The following LRP1B variants were observed in gnomAD, a reference collection of about 807,000 sequenced individuals.
LRP1B encodes the protein low-density lipoprotein receptor-related protein 1B.
LRP1B carries 217 observed loss-of-function variants against 556.6 expected under a neutral mutation model. That is an observed-to-expected ratio of 0.39 (90% CI 0.35 to 0.44). The LOEUF is 0.44. Ranked by LOEUF, LRP1B falls within the 20% of genes least tolerant of loss-of-function variation. The probability of loss-of-function intolerance (pLI) is 1.00; values close to 1 mark genes in which losing one functional copy is unlikely to be tolerated. For synonymous variants in LRP1B, 2,047 were observed against 1,865.8 expected (o/e 1.10, Z -2.50); for missense variants, 5,053 against 5,620.8 (o/e 0.90, Z 3.23).
intron 27 of LRP1B, among the ~76,000 whole-genome samples, chr2:140,864,825 C>T (rs1230343950): frequency 6.6e-6 from 1 of 151,934 alleles, no homozygotes; most frequent in Non-Finnish European, 1.5e-5. Flanking sequence ...GATTTAGATA[C>T]ATTATCTCCA....
Position 141,984,761 on chromosome 2 carries a change from CT to C in LRP1B, c.82+145886del, listed in dbSNP as rs1289880395. Among the ~76,000 whole-genome samples, 13 of 152,188 alleles carry C rather than the reference CT, an allele frequency of 8.5e-5. No homozygotes were observed. In the South Asian group the frequency reaches 2.5e-3, roughly 29 times the overall value. ...TTTTCTTATAATCCACTCTAATACA[CT>C]TTACCCAAGAAATTAAAATCCAGTA... is the stretch of plus-strand genomic sequence containing the variant. On this transcript the variant is annotated intron_variant, in intron 1 of 90. Transcript: ENST00000389484.
intron 42 of LRP1B, among the ~76,000 whole-genome samples, chr2:140,599,339 T>C (rs1159080027): frequency 2.6e-5 from 4 of 152,150 alleles, no homozygotes; most frequent in African/African-American, 9.7e-5. Flanking sequence ...AGAAAGAAAA[T>C]TACTAAACTC....
intron 41 of LRP1B, among the ~76,000 whole-genome samples, chr2:140,610,620 C>G (rs1321597357): frequency 3.9e-5 from 6 of 152,196 alleles, no homozygotes; most frequent in Middle Eastern, 3.2e-3. Flanking sequence ...GAATCTCGCT[C>G]TGTCGCCCAG....
At chr2:140,327,104 T>TAA (rs1192765689) in intron 79 of LRP1B, among the ~76,000 whole-genome samples, 1 of 152,224 alleles carries the variant, frequency 6.6e-6, no homozygotes, top group South Asian at 2.1e-4. Context: ...ACAATGCAGT[T>TAA]AAATACCTTA....
rs576566166 is a variant in LRP1B, at chr2:141,601,192, CT to C, written c.206-120660del. Among the ~76,000 whole-genome samples, 427 of 140,590 alleles carry C rather than the reference CT, an allele frequency of 3.0e-3. 4 individuals carry two copies. The highest frequency in any genetic ancestry group is 0.011 in the African/African-American group (410 of 37,150). 92.2% of individuals were successfully genotyped at this position (140,590 alleles called of 152,430 possible). A position where few individuals can be genotyped will look rare whatever the true frequency, so the allele number is the denominator to read the frequency against. On this transcript the variant is annotated intron_variant, in intron 2 of 90. Transcript: ENST00000389484. Reference sequence around the variant, plus strand: ...TAGATCCTAAACATATAGTATCTGTCTGTCTGTCAGTATCTATCTATCTATC... The same window carrying C: ...TAGATCCTAAACATATAGTATCTGTCGTCTGTCAGTATCTATCTATCTATC...
At chr2:140,741,892 A>C (rs1226940569) in intron 35 of LRP1B, among the ~76,000 whole-genome samples, 6 of 152,290 alleles carry the variant, frequency 3.9e-5, no homozygotes, top group Admixed American at 3.9e-4. Context: ...TAATTAATTT[A>C]AGATAATAGC....
chr2:141,425,440 T>C (rs1680324867), intron 3 of LRP1B, among the ~76,000 whole-genome samples: 1 of 151,264 alleles, frequency 6.6e-6, no homozygotes, highest in Non-Finnish European at 1.5e-5. Context: ...TACCCAGTAA[T>C]GGGATGGCTG....
intron 2 of LRP1B, among the ~76,000 whole-genome samples, chr2:141,655,538 G>A (rs914360354): frequency 6.6e-6 from 1 of 152,012 alleles, no homozygotes; most frequent in Non-Finnish European, 1.5e-5. Flanking sequence ...AAAGATACAT[G>A]AGAATATGCA....
chr2:141,732,922 A>G lies in LRP1B; in HGVS notation c.205+77357T>C, dbSNP rs1243504342. On this transcript the variant is annotated intron_variant, in intron 2 of 90. Coordinates refer to ENST00000389484, the MANE Select transcript of LRP1B (RefSeq NM_018557.3). ...AGCAGAGGAAAAATGGAAAAATGTC[A>G]AAGTGAGGAATCTTGGCATCACTGA... Among the ~76,000 whole-genome samples, 3 of 152,106 alleles carry G rather than the reference A, an allele frequency of 2.0e-5. No homozygotes were observed. In the East Asian group the frequency reaches 5.8e-4, roughly 29 times the overall value.
At chr2:141,470,685 C>T (rs1438323829) in intron 3 of LRP1B, among the ~76,000 whole-genome samples, 1 of 152,148 alleles carries the variant, frequency 6.6e-6, no homozygotes, top group East Asian at 1.9e-4. Context: ...TGCTTTAATT[C>T]CTTGCTTTTT....
intron 1 of LRP1B, among the ~76,000 whole-genome samples, chr2:141,916,053 G>C (rs944184419): frequency 6.6e-6 from 1 of 152,148 alleles, no homozygotes; most frequent in African/African-American, 2.4e-5. Context: ...AATACCATTT[G>C]ATCCAGCAAA....
intron 66 of LRP1B, among the ~76,000 whole-genome samples, chr2:140,424,847 G>A (rs1685590094): frequency 6.6e-6 from 1 of 152,190 alleles, no homozygotes; most frequent in East Asian, 1.9e-4. Context: ...GAAAAGTTCA[G>A]TCAAGGATAA....
intron 2 of LRP1B, among the ~76,000 whole-genome samples, chr2:141,720,189 A>G (rs1692763548): frequency 6.6e-6 from 1 of 152,160 alleles, no homozygotes; most frequent in African/African-American, 2.4e-5. Flanking sequence ...GGTCAATTTT[A>G]GCAAACCCTG....
At chr2:140,346,772 T>G (rs1311616944) in intron 77 of LRP1B, among the ~76,000 whole-genome samples, 1 of 151,938 alleles carries the variant, frequency 6.6e-6, no homozygotes, top group Admixed American at 6.6e-5. Context: ...GGTTTATAAA[T>G]AGAACTTCAA....
intron 41 of LRP1B, among the ~76,000 whole-genome samples, chr2:140,624,413 C>A (rs1430390307): frequency 1.3e-5 from 2 of 152,158 alleles, no homozygotes; most frequent in Non-Finnish European, 2.9e-5. Flanking sequence ...TGACACTCAG[C>A]AATTATTTTT....
chr2:141,674,580 T>C (rs1363972265), intron 2 of LRP1B, among the ~76,000 whole-genome samples: 1 of 152,096 alleles, frequency 6.6e-6, no homozygotes, highest in Non-Finnish European at 1.5e-5. Flanking sequence ...ATTTAATGTT[T>C]ATCAACTCCT....
rs1020372560 is a variant in LRP1B at position 141,551,006 on chromosome 2, T to C, written c.206-70473A>G. Reference sequence around the variant, plus strand: ...TCCTATCAGTATGAAACACAAATACTGAATAAGTACATTTTACTAAGAAGC... The same window carrying C: ...TCCTATCAGTATGAAACACAAATACCGAATAAGTACATTTTACTAAGAAGC... On this transcript the variant is annotated intron_variant, in intron 2 of 90. Coordinates refer to ENST00000389484, the MANE Select transcript of LRP1B (RefSeq NM_018557.3). Among the ~76,000 whole-genome samples, 7 of 152,106 alleles carry C rather than the reference T, an allele frequency of 4.6e-5. 1 individual carries two copies. The highest frequency in any genetic ancestry group is 7.2e-5 in the African/African-American group (3 of 41,448).
chr2:141,870,687 A>G (rs1305864027), intron 1 of LRP1B, among the ~76,000 whole-genome samples: 2 of 151,842 alleles, frequency 1.3e-5, no homozygotes, highest in Non-Finnish European at 2.9e-5. Flanking sequence ...CACAAATCCA[A>G]CTTTTCTTAT....
At chr2:142,069,511 A>G (rs1705234403) in intron 1 of LRP1B, among the ~76,000 whole-genome samples, 1 of 151,142 alleles carries the variant, frequency 6.6e-6, no homozygotes, top group Non-Finnish European at 1.5e-5. Context: ...AACCATAGTA[A>G]TCATTGCCAC....
Sources: gnomAD v4.1 joint callset for allele counts (sites outside exome capture counted in the v4.1 genomes callset) on GRCh38, gnomAD v4.1.1 for gene constraint, MANE v1.5 for transcripts, NCBI Gene and HGNC (gene_info 2026-07-23, HGNC 2026-07-21) for gene names.